The following UFD1 variants were observed in gnomAD, a reference collection of about 807,000 sequenced individuals.
The protein encoded by UFD1 is ubiquitin recognition factor in ER associated degradation 1.
In UFD1, 13 loss-of-function variants were observed where a neutral mutation model predicts 45.9. The observed-to-expected ratio is 0.28, with a 90% confidence interval of 0.18 to 0.45. UFD1 has a LOEUF of 0.45. UFD1 is among the 20% of genes least tolerant of loss of function. The pLI, the probability that UFD1 is intolerant of heterozygous loss-of-function variation, is 1.00. For missense variants in UFD1, 218 were observed against 389.2 expected, an observed-to-expected ratio of 0.56 and a Z score of 3.70; for synonymous variants, 128 against 139.2, an observed-to-expected ratio of 0.92 and a Z score of 0.56.
chr22:19,464,682 A>G (rs1437158856), intron 6 of UFD1, among the ~76,000 whole-genome samples: 1 of 152,238 alleles, frequency 6.6e-6, no homozygotes, highest in Non-Finnish European at 1.5e-5. Flanking sequence ...AAGCTGAAGA[A>G]AACAGGAGGT....
At chr22:19,478,619 T>C (rs1187207430) in intron 1 of UFD1, 1 of 225,862 alleles carries the variant, frequency 4.4e-6, no homozygotes, top group African/African-American at 2.4e-5. Context: ...GCTGTACAGA[T>C]TCGAAGGCAC....
chr22:19,476,921 C>T (rs530796527), intron 1 of UFD1, among the ~76,000 whole-genome samples: 9 of 148,470 alleles, frequency 6.1e-5, no homozygotes, highest in Non-Finnish European at 1.2e-4. Flanking sequence ...GCAGAAGAAT[C>T]GCTTGAACCC....
rs1438161043 is a variant in UFD1, at chr22:19,458,126, C to T, written c.509G>A (p.Arg170His). The T allele has an allele frequency of 2.5e-6, 4 of 1,614,068 alleles. No individual in the cohort carries two copies. The highest frequency in any genetic ancestry group is 2.5e-6 in the Non-Finnish European group (3 of 1,179,962). ...CTTGTCGGGTTTGGTCTCCATCACA[C>T]GCAGTTCGTAGATCTGTGGGGCAAA... ...INYNEKIYEL[R>H]VMETKPDKAV... Residue 170 changes from arginine (R) to histidine (H), a missense_variant, in exon 7 of 12, where the codon CGT (arginine) becomes CAT (histidine). Transcript: ENST00000263202.
chr22:19,464,867 T>C, intron 6 of UFD1, among the ~76,000 whole-genome samples: 1 of 152,206 alleles, frequency 6.6e-6, no homozygotes, highest in East Asian at 1.9e-4. Flanking sequence ...TTATTGTGTC[T>C]CCACAGCCCT....
rs564448023 is a variant in UFD1, at chr22:19,450,119, A to C, written c.*551T>G. 1.3e-5 allele frequency: 2 copies of C among 152,880 alleles called. No homozygotes were observed. The highest frequency in any genetic ancestry group is 1.3e-4 in the Admixed American group (2 of 15,362). 9.5% of individuals were successfully genotyped at this position (152,880 alleles called of 1,614,324 possible). On this transcript the variant is annotated 3_prime_UTR_variant, in exon 12 of 12. Transcript: ENST00000263202. ...AACTCATTCAGATCAGGTTCTTCTG[A>C]GTGGTGTTTTTGAAAAAAATATGTA...
intron 8 of UFD1, 87 bp from the exon 9 acceptor site, chr22:19,456,721 C>G: frequency 6.2e-7 from 1 of 1,613,230 alleles, no homozygotes; most frequent in Non-Finnish European, 8.5e-7. Context: ...GGATGTCCCC[C>G]GGAAGCATGG....
chr22:19,457,963 G>C, intron 7 of UFD1, 108 bp downstream of exon 7: 1 of 1,110,036 alleles, frequency 9.0e-7, no homozygotes, highest in Non-Finnish European at 1.4e-6. Flanking sequence ...TCTTTACCCA[G>C]AGTCCCAGGG....
intron 11 of UFD1, chr22:19,453,907 G>C: frequency 1.0e-6 from 1 of 985,520 alleles, no homozygotes; most frequent in Non-Finnish European, 1.2e-6. Context: ...AACCAGGAGA[G>C]CGATGGGTCT....
intron 4 of UFD1, chr22:19,470,528 G>A (rs1402358334): frequency 5.8e-6 from 2 of 345,910 alleles, no homozygotes; most frequent in Admixed American, 3.9e-5. Flanking sequence ...TGCAACCTAA[G>A]CCTCCTGGGT....
chr22:19,473,655 C>A (rs1469956319), intron 3 of UFD1, among the ~76,000 whole-genome samples: 2 of 152,202 alleles, frequency 1.3e-5, no homozygotes, highest in African/African-American at 4.8e-5. Context: ...TAGCCACAGC[C>A]AGTGCTGGCT....
chr22:19,453,585 G>A, intron 11 of UFD1: 1 of 985,618 alleles, frequency 1.0e-6, no homozygotes, highest in Non-Finnish European at 1.2e-6. Flanking sequence ...AGCTGGTGAA[G>A]CCTGGATGGT....
intron 11 of UFD1, chr22:19,452,250 T>TGTCC (rs2089688616): frequency 6.6e-6 from 1 of 152,274 alleles, no homozygotes; most frequent in South Asian, 2.1e-4. Context: ...CTTCTTGCTG[T>TGTCC]GTCCTCACAT....
intron 5 of UFD1, chr22:19,466,856 G>A (rs2146300450): frequency 6.6e-6 from 1 of 152,348 alleles, no homozygotes. Context: ...TGCAACACAT[G>A]TAAAAACCCT....
intron 1 of UFD1, among the ~76,000 whole-genome samples, chr22:19,478,435 C>T (rs952939199): frequency 6.6e-6 from 1 of 152,232 alleles, no homozygotes; most frequent in Non-Finnish European, 1.5e-5. Flanking sequence ...TAAAGTACCT[C>T]TGTAAACGTT....
At chr22:19,475,813 G>A (rs968444461) in intron 1 of UFD1, among the ~76,000 whole-genome samples, 1 of 152,122 alleles carries the variant, frequency 6.6e-6, no homozygotes, top group Non-Finnish European at 1.5e-5. Flanking sequence ...TCATCCTCAG[G>A]ATCAAGGCCC....
intron 4 of UFD1, chr22:19,470,589 G>A (rs956534927): frequency 5.3e-6 from 2 of 375,806 alleles, no homozygotes; most frequent in Admixed American, 3.2e-5. Context: ...CTACAGGCAC[G>A]TGCCACCACA....
At chr22:19,468,116 T>C in intron 4 of UFD1, 113 bp from the exon 5 acceptor site, 1 of 1,387,830 alleles carries the variant, frequency 7.2e-7, no homozygotes. Context: ...AAGAGGAACC[T>C]GAGCCAAGAT....
chr22:19,471,936 C>A, intron 3 of UFD1, 128 bp from the exon 4 acceptor site: 2 of 1,342,292 alleles, frequency 1.5e-6, no homozygotes, highest in Non-Finnish European at 2.0e-6. Flanking sequence ...GCAGATGAAT[C>A]CCCCTCTGTG....
At chr22:19,457,655 T>C (rs1169490717) in intron 7 of UFD1, among the ~76,000 whole-genome samples, 1 of 151,972 alleles carries the variant, frequency 6.6e-6, no homozygotes, top group African/African-American at 2.4e-5. Flanking sequence ...TCTACCAAAA[T>C]ACAAAACTAG....
Sources: allele counts gnomAD v4.1 joint callset (sites outside exome capture counted in the v4.1 genomes callset), GRCh38; gene constraint gnomAD v4.1.1; transcripts MANE v1.5; gene names NCBI Gene and HGNC (gene_info 2026-07-23, HGNC 2026-07-21).